ENTREP2: variants seen among roughly 807,000 people sequenced by gnomAD.
The protein encoded by ENTREP2 is endosomal transmembrane epsin interactor 2.
At chr15:29,353,731 C>T in the ENTREP2 span, among the ~76,000 whole-genome samples, 1 of 152,120 alleles carries the variant, frequency 6.6e-6, no homozygotes, top group African/African-American at 2.4e-5. Context: ...CTATCATTTT[C>T]CCCCATGAAA....
At chr15:29,324,763 A>G in the ENTREP2 span, among the ~76,000 whole-genome samples, 2 of 152,220 alleles carry the variant, frequency 1.3e-5, no homozygotes, top group African/African-American at 4.8e-5. Flanking sequence ...CATGAGGCAA[A>G]AACTGACAGA....
At chr15:29,609,816 G>T in the ENTREP2 span, 2 of 150,588 alleles carry the variant, frequency 1.3e-5, no homozygotes, top group African/African-American at 4.9e-5. Context: ...AGGTGGAATA[G>T]TTCAATAAGG....
the ENTREP2 span, among the ~76,000 whole-genome samples, chr15:29,591,641 C>T: frequency 6.6e-6 from 1 of 151,948 alleles, no homozygotes; most frequent in Non-Finnish European, 1.5e-5. Context: ...CACCTGCAAT[C>T]CCAGCACTTT....
the ENTREP2 span, among the ~76,000 whole-genome samples, chr15:29,197,765 CA>C: frequency 0.05 from 5,919 of 117,326 alleles, 231 homozygotes; most frequent in African/African-American, 0.14. Context: ...GACTCCATCT[CA>C]AAAAAAAAAA....
At chr15:29,491,094 G>GC in the ENTREP2 span, among the ~76,000 whole-genome samples, 2 of 152,150 alleles carry the variant, frequency 1.3e-5, no homozygotes, top group Non-Finnish European at 2.9e-5. Flanking sequence ...GAGACCCAGC[G>GC]CCCCCTCCAC....
At chr15:29,119,690 A>G in the ENTREP2 span, among the ~76,000 whole-genome samples, 1 of 10,164 alleles carries the variant, frequency 9.8e-5, no homozygotes, top group African/African-American at 1.2e-4. Context: ...AAAAAAAAAA[A>G]AAAAAGAATG....
chr15:29,282,485 CA>C, the ENTREP2 span, among the ~76,000 whole-genome samples: 18 of 152,178 alleles, frequency 1.2e-4, no homozygotes. Context: ...TGCCTGTCCT[CA>C]GTGAGTGGTC....
the ENTREP2 span, among the ~76,000 whole-genome samples, chr15:29,466,691 A>T: frequency 2.3e-5 from 2 of 87,180 alleles, no homozygotes; most frequent in African/African-American, 4.6e-5. Context: ...GGGCCCGGGG[A>T]GGATGCTGAT....
chr15:29,597,296 C>A, the ENTREP2 span, among the ~76,000 whole-genome samples: 1 of 152,056 alleles, frequency 6.6e-6, no homozygotes, highest in Non-Finnish European at 1.5e-5. Flanking sequence ...GAGTCAGGCG[C>A]GGTGGCTCAT....
At chr15:29,323,476 C>T in the ENTREP2 span, among the ~76,000 whole-genome samples, 14 of 152,138 alleles carry the variant, frequency 9.2e-5, no homozygotes, top group African/African-American at 2.9e-4. Flanking sequence ...ATCTCCTCAT[C>T]GGTGTCCTTT....
At chr15:29,344,515 AC>A in the ENTREP2 span, among the ~76,000 whole-genome samples, 2 of 152,192 alleles carry the variant, frequency 1.3e-5, no homozygotes, top group African/African-American at 4.8e-5. Context: ...TATTAGCAGC[AC>A]CCTGCTATGC....
chr15:29,652,677 C>T, the ENTREP2 span, among the ~76,000 whole-genome samples: 1 of 152,238 alleles, frequency 6.6e-6, no homozygotes, highest in African/African-American at 2.4e-5. Flanking sequence ...TTGTGGTGTG[C>T]CTCCTCCAGC....
At chr15:29,366,692 C>CT in the ENTREP2 span, among the ~76,000 whole-genome samples, 1 of 152,200 alleles carries the variant, frequency 6.6e-6, no homozygotes, top group Admixed American at 6.5e-5. Flanking sequence ...CTGGCTTCTT[C>CT]TATTTAGCCA....
the ENTREP2 span, among the ~76,000 whole-genome samples, chr15:29,431,848 G>A: frequency 6.6e-6 from 1 of 152,202 alleles, no homozygotes; most frequent in Admixed American, 6.5e-5. Flanking sequence ...CTCACTCCAG[G>A]TCTGAGAACC....
At chr15:29,149,911 G>A in the ENTREP2 span, among the ~76,000 whole-genome samples, 1 of 152,192 alleles carries the variant, frequency 6.6e-6, no homozygotes, top group South Asian at 2.1e-4. Context: ...AGGGTGTGAG[G>A]CAAACTCACC....
At chr15:29,388,522 T>G in the ENTREP2 span, among the ~76,000 whole-genome samples, 1 of 152,216 alleles carries the variant, frequency 6.6e-6, no homozygotes, top group Admixed American at 6.5e-5. Flanking sequence ...GTTGTGGGAC[T>G]GTAAACTAGT....
the ENTREP2 span, among the ~76,000 whole-genome samples, chr15:29,657,261 G>C: frequency 1.4e-3 from 212 of 150,984 alleles, 1 homozygote; most frequent in Non-Finnish European, 2.7e-3. Flanking sequence ...GGGTTTCACC[G>C]TATTAGCCAG....
the ENTREP2 span, among the ~76,000 whole-genome samples, chr15:29,495,892 G>T: frequency 6.6e-6 from 1 of 151,838 alleles, no homozygotes; most frequent in Admixed American, 6.6e-5. Context: ...GGCTATTCGG[G>T]GTCTTTTGTG....
the ENTREP2 span, among the ~76,000 whole-genome samples, chr15:29,444,200 A>AC: frequency 4.8e-3 from 705 of 146,262 alleles, 12 homozygotes; most frequent in African/African-American, 0.013. Flanking sequence ...GAAAGAAAGA[A>AC]AGAAAGAAAG....
Sources: allele counts gnomAD v4.1 joint callset (sites outside exome capture counted in the v4.1 genomes callset), GRCh38; gene constraint gnomAD v4.1.1; transcripts MANE v1.5; gene names NCBI Gene and HGNC (gene_info 2026-07-23, HGNC 2026-07-21).